Variants in EP400 observed in about 807,000 individuals in gnomAD.
The protein encoded by EP400 is E1A-binding protein p400.
In EP400, 105 loss-of-function variants were observed where a neutral mutation model predicts 354.1. That is an observed-to-expected ratio of 0.30 (90% CI 0.25 to 0.35). EP400 has a LOEUF of 0.35. Ranked by LOEUF, EP400 falls within the 10% of genes least tolerant of loss-of-function variation. The probability of loss-of-function intolerance (pLI) is 1.00; values close to 1 mark genes in which losing one functional copy is unlikely to be tolerated. For synonymous variants in EP400, 1,646 were observed against 1,716.9 expected (o/e 0.96, Z 1.02); for missense variants, 3,280 against 4,121.0 (o/e 0.80, Z 5.59).
chr12:131,958,857 TC>T (rs1212076737), intron 1 of EP400, among the ~76,000 whole-genome samples: 2 of 152,244 alleles, frequency 1.3e-5, no homozygotes, highest in Non-Finnish European at 2.9e-5. Flanking sequence ...TTTTTAAAAA[TC>T]CGTTGTCCAT....
chr12:132,049,135 A>G (rs1006668763), intron 39 of EP400, among the ~76,000 whole-genome samples: 1 of 152,244 alleles, frequency 6.6e-6, no homozygotes, highest in South Asian at 2.1e-4. Flanking sequence ...TGAGTGGGAC[A>G]GCCCCACCTC....
Position 132,050,159 on chromosome 12 carries a change from C to T in EP400, c.7201-164C>T, listed in dbSNP as rs1895244287. On this transcript the variant is annotated intron_variant, in intron 39 of 52. Coordinates refer to ENST00000389561, the MANE Select transcript of EP400 (RefSeq NM_015409.5). The surrounding 1 kb of genome is among the most constrained non-coding windows in gnomAD (Gnocchi z 4.8). ...CCGCGACAGCCACTTAATGCCGCTG[C>T]TGTTGGGTTATGCCTGAACTTGGAA... is the stretch of plus-strand genomic sequence containing the variant. 6.6e-6 allele frequency among the ~76,000 whole-genome samples: 1 copy of T among 152,174 alleles called. No homozygotes were observed. Among genetic ancestry groups the T allele is most frequent in the African/African-American group, 2.4e-5 (1 of 41,428 alleles).
chr12:131,958,328 G>T (rs930245827), intron 1 of EP400, among the ~76,000 whole-genome samples: 1 of 152,164 alleles, frequency 6.6e-6, no homozygotes, highest in Non-Finnish European at 1.5e-5. Context: ...CTGTGGCCTT[G>T]CTCTTCCCTT....
At chr12:131,984,437 G>C (rs75493438) in intron 5 of EP400, among the ~76,000 whole-genome samples, 2 of 152,242 alleles carry the variant, frequency 1.3e-5, no homozygotes, top group Admixed American at 6.5e-5. Flanking sequence ...CAACTGGGGG[G>C]GCTGTAGTTG....
chr12:132,008,706 C>T (rs1335745428), intron 15 of EP400, among the ~76,000 whole-genome samples: 4 of 150,628 alleles, frequency 2.7e-5, no homozygotes, highest in African/African-American at 7.3e-5. Flanking sequence ...GCCTCCTGGG[C>T]AGGAGGATCA....
chr12:132,061,228 G>T (rs1200761270), intron 45 of EP400, among the ~76,000 whole-genome samples: 2 of 152,236 alleles, frequency 1.3e-5, no homozygotes, highest in Non-Finnish European at 2.9e-5. Context: ...GGTAATTCCA[G>T]ACCAGCCACC....
At chr12:131,965,270 A>G (rs1892037655) in intron 2 of EP400, among the ~76,000 whole-genome samples, 1 of 152,150 alleles carries the variant, frequency 6.6e-6, no homozygotes, top group African/African-American at 2.4e-5. Context: ...TTTTTAAATG[A>G]TGAGTAATTT....
chr12:132,066,618 G>T (rs1003115660), intron 48 of EP400, 156 bp from the exon 49 acceptor site: 1 of 756,782 alleles, frequency 1.3e-6, no homozygotes, highest in South Asian at 2.0e-5. Context: ...TCCCTGCGGC[G>T]TGCAGATCTC....
Position 132,060,020 on chromosome 12 carries a change from TAAA to T in EP400, c.7885-2078_7885-2076del, listed in dbSNP as rs80274208. ...CCTGGGTGACAGAGCGAGACTCCGTTAAAAAAAAAAAAAAGTTATGCTTTCTAT... is the reference window on the plus strand; with the variant it reads ...CCTGGGTGACAGAGCGAGACTCCGTTAAAAAAAAAAAGTTATGCTTTCTAT... On this transcript the variant is annotated intron_variant, in intron 45 of 52. Transcript: ENST00000389561. 2.2e-4 allele frequency among the ~76,000 whole-genome samples: 32 copies of T among 143,874 alleles called. 1 individual carries two copies. The highest frequency in any genetic ancestry group is 8.1e-4 in the African/African-American group (32 of 39,356). The allele number at this position is 143,874 out of a possible 152,430, so 94.4% of individuals were successfully genotyped here. A position where few individuals can be genotyped will look rare whatever the true frequency, so the allele number is the denominator to read the frequency against.
At chr12:132,011,065 A>G (rs1351065547) in intron 15 of EP400, among the ~76,000 whole-genome samples, 1 of 152,212 alleles carries the variant, frequency 6.6e-6, no homozygotes, top group Non-Finnish European at 1.5e-5. Context: ...TGGCTAACAA[A>G]ACACAGTTTA....
intron 2 of EP400, among the ~76,000 whole-genome samples, chr12:131,978,964 C>G (rs1216760191): frequency 6.6e-6 from 1 of 152,074 alleles, no homozygotes; most frequent in Non-Finnish European, 1.5e-5. Flanking sequence ...CACCTGTAAT[C>G]CCAGCACTTT....
At chr12:131,951,864 C>T (rs1295813958) in intron 1 of EP400, among the ~76,000 whole-genome samples, 1 of 152,026 alleles carries the variant, frequency 6.6e-6, no homozygotes, top group East Asian at 1.9e-4. Flanking sequence ...GCAACCTCCG[C>T]CTCCCGGGTT....
At chr12:132,023,531 G>A (rs1299775239) in intron 23 of EP400, among the ~76,000 whole-genome samples, 1 of 151,814 alleles carries the variant, frequency 6.6e-6, no homozygotes, top group Non-Finnish European at 1.5e-5. Context: ...ATCAATATCT[G>A]ATATCTAAAA....
At chr12:131,989,909 T>C (rs1484056799) in intron 7 of EP400, 55 bp from the exon 8 acceptor site, 20 of 1,588,546 alleles carry the variant, frequency 1.3e-5, no homozygotes, top group Admixed American at 1.9e-5. Flanking sequence ...CATATCCTTT[T>C]TTTTCCAGCA....
At chr12:131,968,769 G>A (rs1413809269) in intron 2 of EP400, among the ~76,000 whole-genome samples, 1 of 151,982 alleles carries the variant, frequency 6.6e-6, no homozygotes, top group Admixed American at 6.6e-5. Context: ...GTAACTTTCA[G>A]CATACCATAT....
intron 1 of EP400, among the ~76,000 whole-genome samples, chr12:131,960,030 C>T (rs900834411): frequency 1.3e-5 from 2 of 152,218 alleles, no homozygotes; most frequent in Non-Finnish European, 2.9e-5. Context: ...TGGTGCTGCA[C>T]ACCCTCATTC....
intron 2 of EP400, 37 bp from the exon 3 acceptor site, chr12:131,979,657 A>G (rs1892611755): frequency 6.3e-7 from 1 of 1,575,552 alleles, no homozygotes; most frequent in Non-Finnish European, 8.6e-7. Flanking sequence ...AATGGCCTTC[A>G]GTGATCAAAA....
At chr12:132,069,328 G>A in intron 50 of EP400, 167 bp from the exon 51 acceptor site, 7 of 931,332 alleles carry the variant, frequency 7.5e-6, no homozygotes, top group South Asian at 3.9e-5. Context: ...TGGAGGCAGC[G>A]GCAGGGATGG....
chr12:132,035,061 A>AC (rs917396073), intron 30 of EP400, among the ~76,000 whole-genome samples: 20 of 150,690 alleles, frequency 1.3e-4, no homozygotes, highest in East Asian at 5.9e-4. Context: ...ATACATAAAG[A>AC]CCCCCCCTTA....
Sources: gnomAD v4.1 joint callset for allele counts (sites outside exome capture counted in the v4.1 genomes callset) on GRCh38, gnomAD v4.1.1 for gene constraint, Gnocchi (gnomAD v3.1) non-coding constraint, MANE v1.5 for transcripts, NCBI Gene and HGNC (gene_info 2026-07-23, HGNC 2026-07-21) for gene names.